The following MAGI2 variants were observed in gnomAD, a reference collection of about 807,000 sequenced individuals.
MAGI2 encodes the protein membrane associated guanylate kinase, WW and PDZ domain containing 2, also known as membrane-associated guanylate kinase, WW and PDZ domain-containing protein 2.
MAGI2 carries 35 observed loss-of-function variants against 133.3 expected under a neutral mutation model. That is an observed-to-expected ratio of 0.26 (90% CI 0.20 to 0.35). The LOEUF (loss-of-function observed/expected upper bound fraction) is 0.35, where lower values mean the gene tolerates loss of function less well. Among genes scored for constraint, MAGI2 ranks in the 10% least tolerant of loss-of-function variants. The pLI is 1.00. For missense variants in MAGI2, 1,636 were observed against 1,863.4 expected, an observed-to-expected ratio of 0.88 and a Z score of 2.25; for synonymous variants, 729 against 710.6, an observed-to-expected ratio of 1.03 and a Z score of -0.41.
intron 6 of MAGI2, among the ~76,000 whole-genome samples, chr7:78,439,856 G>A (rs1271853761): frequency 6.6e-6 from 1 of 152,034 alleles, no homozygotes; most frequent in Non-Finnish European, 1.5e-5. Context: ...GTATTCTCCA[G>A]TGTCATAATC....
Position 79,093,175 on chromosome 7 carries a change from TA to T in MAGI2, c.302-85970del, listed in dbSNP as rs879816262. ...ATACAGAGCTGATTATCAGCTCTAT[TA>T]AAAAAAAAAAAAGAATGACTCATGC... On this transcript the variant is annotated intron_variant, in intron 1 of 21. Coordinates refer to ENST00000354212, the MANE Select transcript of MAGI2 (RefSeq NM_012301.4). Among the ~76,000 whole-genome samples, 1,416 of 141,882 alleles carry T rather than the reference TA, an allele frequency of 1.0e-2. 12 individuals carry two copies. Among genetic ancestry groups the T allele is most frequent in the African/African-American group, 0.023 (904 of 38,938 alleles). 93.1% of individuals were successfully genotyped at this position (141,882 alleles called of 152,430 possible).
intron 1 of MAGI2, among the ~76,000 whole-genome samples, chr7:79,345,256 A>G (rs1355323612): frequency 6.6e-6 from 1 of 152,056 alleles, no homozygotes; most frequent in Non-Finnish European, 1.5e-5. Flanking sequence ...ATATCAGGCT[A>G]ACACCATGTG....
intron 3 of MAGI2, among the ~76,000 whole-genome samples, chr7:78,577,407 T>C (rs551940929): frequency 2.0e-5 from 3 of 152,178 alleles, no homozygotes; most frequent in Admixed American, 6.5e-5. Flanking sequence ...AAATAAGCAA[T>C]ATCATAAAGG....
chr7:78,975,139 T>C (rs1360749931), intron 2 of MAGI2, among the ~76,000 whole-genome samples: 2 of 151,718 alleles, frequency 1.3e-5, no homozygotes, highest in African/African-American at 2.4e-5. Context: ...AGGACATCAG[T>C]AAGGATATAG....
In MAGI2 at chr7:78,711,182, T is replaced by G. The variant is rs551633676; in HGVS notation, c.419-83943A>C. Reference sequence around the variant, plus strand: ...AGTTTACGTATATAATTAATTAGACTCAACAAAGGAAACATTCATTGTCTA... The same window carrying G: ...AGTTTACGTATATAATTAATTAGACGCAACAAAGGAAACATTCATTGTCTA... On this transcript the variant is annotated intron_variant, in intron 2 of 21. Transcript: ENST00000354212. 7.2e-5 allele frequency among the ~76,000 whole-genome samples: 11 copies of G among 152,248 alleles called. No homozygotes were observed. In the East Asian group the frequency reaches 1.9e-3, roughly 27 times the overall value.
At chr7:79,097,339 A>G (rs545820806) in intron 1 of MAGI2, among the ~76,000 whole-genome samples, 36 of 152,344 alleles carry the variant, frequency 2.4e-4, no homozygotes, top group Non-Finnish European at 4.9e-4. Context: ...TGAAATTTGT[A>G]CAATTTAAAG....
chr7:78,483,495 A>C (rs908207631), intron 6 of MAGI2, among the ~76,000 whole-genome samples: 4 of 151,904 alleles, frequency 2.6e-5, no homozygotes, highest in Admixed American at 6.6e-5. Context: ...AATATCTTTT[A>C]TGGTCTGGAC....
chr7:78,287,534 G>C (rs1473110481), intron 9 of MAGI2, among the ~76,000 whole-genome samples: 1 of 152,114 alleles, frequency 6.6e-6, no homozygotes, highest in Non-Finnish European at 1.5e-5. Context: ...ATTATGAAAG[G>C]ATGTAGTTAA....
At chr7:79,100,574 G>A (rs991569481) in intron 1 of MAGI2, among the ~76,000 whole-genome samples, 1 of 151,122 alleles carries the variant, frequency 6.6e-6, no homozygotes, top group African/African-American at 2.4e-5. Context: ...CCTTAAAATT[G>A]ATTCATAACA....
rs201643092 is a variant in MAGI2, at chr7:78,976,679, C to CT, written c.418+30410dup. Among the ~76,000 whole-genome samples, 420 of 146,504 alleles carry CT rather than the reference C, an allele frequency of 2.9e-3. 4 individuals carry two copies. The highest frequency in any genetic ancestry group is 9.4e-3 in the African/African-American group (370 of 39,566). Reference sequence around the variant, plus strand: ...TAAAACTGTAATAATTAACATATGACTTTTTTTAAAATGTAGAAACACCAA... The same window carrying CT: ...TAAAACTGTAATAATTAACATATGACTTTTTTTTAAAATGTAGAAACACCAA... On this transcript the variant is annotated intron_variant, in intron 2 of 21. Coordinates refer to ENST00000354212, the MANE Select transcript of MAGI2 (RefSeq NM_012301.4).
chr7:78,289,735 C>G (rs1043757217), intron 9 of MAGI2, among the ~76,000 whole-genome samples: 8 of 152,116 alleles, frequency 5.3e-5, no homozygotes, highest in Non-Finnish European at 1.2e-4. Context: ...AAAAGGAAGC[C>G]CGTCAGACTA....
chr7:79,322,576 G>A (rs562603892), intron 1 of MAGI2, among the ~76,000 whole-genome samples: 2 of 151,780 alleles, frequency 1.3e-5, no homozygotes, highest in African/African-American at 2.4e-5. Context: ...ACCTGAGGTC[G>A]GGAGTTTGAG....
intron 6 of MAGI2, among the ~76,000 whole-genome samples, chr7:78,433,140 T>C (rs1308563682): frequency 6.6e-6 from 1 of 152,106 alleles, no homozygotes; most frequent in South Asian, 2.1e-4. Flanking sequence ...TCACAAGACA[T>C]TGAATAATCA....
chr7:78,099,940 C>A (rs1818055271), intron 20 of MAGI2, among the ~76,000 whole-genome samples: 1 of 152,134 alleles, frequency 6.6e-6, no homozygotes, highest in South Asian at 2.1e-4. Context: ...ATAGAAACAA[C>A]TAACAGTTTA....
intron 9 of MAGI2, among the ~76,000 whole-genome samples, chr7:78,279,710 A>ATG (rs145116601): frequency 2.0e-5 from 3 of 151,876 alleles, no homozygotes; most frequent in Non-Finnish European, 2.9e-5. Flanking sequence ...ATGTCTGTGC[A>ATG]TGTGTGTGTG....
At chr7:78,450,809 T>C (rs1788648686) in intron 6 of MAGI2, among the ~76,000 whole-genome samples, 2 of 152,068 alleles carry the variant, frequency 1.3e-5, no homozygotes, top group Non-Finnish European at 2.9e-5. Context: ...TCTAGTTTGT[T>C]TTCTAGCATG....
intron 2 of MAGI2, among the ~76,000 whole-genome samples, chr7:78,852,864 G>T (rs491394): frequency 0.56 from 85,440 of 151,950 alleles, 24,599 homozygotes; most frequent in East Asian, 0.73. Flanking sequence ...ATTATAGTCA[G>T]TCTCAAGAAA....
intron 2 of MAGI2, among the ~76,000 whole-genome samples, chr7:78,808,080 A>T (rs553474844): frequency 6.6e-6 from 1 of 152,208 alleles, no homozygotes; most frequent in South Asian, 2.1e-4. Flanking sequence ...AAGTTATGAA[A>T]AACACCCACA....
intron 3 of MAGI2, among the ~76,000 whole-genome samples, chr7:78,536,348 G>A (rs1294950704): frequency 6.6e-6 from 1 of 151,450 alleles, no homozygotes; most frequent in Admixed American, 6.6e-5. Flanking sequence ...TCCTGACCTC[G>A]TGATCCGCCC....
Sources: allele counts gnomAD v4.1 joint callset (sites outside exome capture counted in the v4.1 genomes callset), GRCh38; gene constraint gnomAD v4.1.1; transcripts MANE v1.5; gene names NCBI Gene and HGNC (gene_info 2026-07-23, HGNC 2026-07-21).